The following CASKIN1 variants were observed in gnomAD, a reference collection of about 807,000 sequenced individuals.
The protein encoded by CASKIN1 is caskin-1.
A neutral mutation model predicts 117.5 loss-of-function variants in CASKIN1; 42 were observed. That is an observed-to-expected ratio of 0.36 (90% CI 0.28 to 0.46). The LOEUF (loss-of-function observed/expected upper bound fraction) is 0.46, where lower values mean the gene tolerates loss of function less well. Ranked by LOEUF, CASKIN1 falls within the 20% of genes least tolerant of loss-of-function variation. The pLI is 1.00. For synonymous variants in CASKIN1, 1,148 were observed against 961.7 expected, an observed-to-expected ratio of 1.19 and a Z score of -3.59; for missense variants, 2,083 against 2,077.3, an observed-to-expected ratio of 1.00 and a Z score of -0.05.
chr16:2,188,353 A>ATT (rs780638184), intron 6 of CASKIN1, among the ~76,000 whole-genome samples: 8 of 129,612 alleles, frequency 6.2e-5, no homozygotes, highest in African/African-American at 8.7e-5. Context: ...CAACCAGCCG[A>ATT]TTTTTTTTTT....
At position 2,179,174 on chromosome 16, in the gene CASKIN1, G is replaced by C; in HGVS notation, c.3927C>G (p.Ala1309=). The C allele has an allele frequency of 8.1e-6, 9 of 1,110,328 alleles. No individual in the cohort carries two copies. Among genetic ancestry groups the C allele is most frequent in the Non-Finnish European group, 9.9e-6 (9 of 910,060 alleles). 68.8% of individuals were successfully genotyped at this position (1,110,328 alleles called of 1,614,324 possible). The change falls in exon 19 of 20, where the codon GCC becomes GCG. Residue 1309 remains alanine (A), a synonymous_variant. Coordinates refer to ENST00000343516, the MANE Select transcript of CASKIN1 (RefSeq NM_020764.4). The surrounding 1 kb of genome is among the most constrained non-coding windows in gnomAD (Gnocchi z 5.8). ...GCGTACCGGGCGGCTTGGCGAGGGCGGCGGGCGGCTGTCGCGCGGGCGAGG... is the reference window on the plus strand; with the variant it reads ...GCGTACCGGGCGGCTTGGCGAGGGCCGCGGGCGGCTGTCGCGCGGGCGAGG... ...PAPSPARQPP[A]ALAKPPGTPP...
rs977894086 is a variant in CASKIN1, at chr16:2,182,846, A to C, written c.1629+800T>G. Among the ~76,000 whole-genome samples the C allele has an allele frequency of 3.3e-5, 5 of 152,234 alleles. No individual in the cohort carries two copies. Among genetic ancestry groups the C allele is most frequent in the African/African-American group, 1.2e-4 (5 of 41,464 alleles). On this transcript the variant is annotated intron_variant, in intron 16 of 19. Coordinates refer to ENST00000343516, the MANE Select transcript of CASKIN1 (RefSeq NM_020764.4). This position sits in a 1 kb window ranked among gnomAD's most constrained non-coding sequence, Gnocchi z 4.1. ...CGCTCTGTCGCCCAGGCTGGAGTGC[A>C]GTGGCGCAATCTCGGCTCACTGCAA...
intron 1 of CASKIN1, among the ~76,000 whole-genome samples, chr16:2,193,021 C>CA (rs2093205450): frequency 6.6e-6 from 1 of 151,656 alleles, no homozygotes; most frequent in Non-Finnish European, 1.5e-5. Context: ...AATTCTTTTT[C>CA]TTTTTTTTTA....
At chr16:2,190,027 G>T in intron 3 of CASKIN1, 46 bp downstream of exon 3, 1 of 1,246,146 alleles carries the variant, frequency 8.0e-7, no homozygotes, top group Non-Finnish European at 1.2e-6. Context: ...AGCCCCCCTC[G>T]CTGCCCCCGC....
rs754821296 is a variant in CASKIN1 at position 2,178,650 on chromosome 16, C to A, written c.4200-4G>T. The stretch of plus-strand genomic sequence containing the variant: ...GCTCTTTTCCGCCGCCGAGTCGCTG[C>A]GGGGCGCGGGGCAAGGGGCGTGAGT... On this transcript the variant is annotated splice_region_variant and splice_polypyrimidine_tract_variant and intron_variant, in intron 19 of 19. Transcript: ENST00000343516. 5.7e-6 allele frequency: 9 copies of A among 1,580,498 alleles called. No individual in the cohort carries two copies. The South Asian group carries it at 7.9e-5, about 14-fold the overall frequency.
intron 1 of CASKIN1, 52 bp from the exon 2 acceptor site, chr16:2,190,410 C>T (rs553061743): frequency 4.4e-5 from 67 of 1,525,498 alleles, no homozygotes; most frequent in Admixed American, 9.8e-5. Flanking sequence ...CCCCTCCAGG[C>T]GGCCTGAGGG....
At chr16:2,194,819 C>A (rs554973880) in intron 1 of CASKIN1, among the ~76,000 whole-genome samples, 59 of 152,268 alleles carry the variant, frequency 3.9e-4, no homozygotes, top group African/African-American at 1.3e-3. Context: ...GGAGGAACCT[C>A]CCCAGAGCTG....
chr16:2,188,733 G>A (rs545670820), intron 6 of CASKIN1, among the ~76,000 whole-genome samples: 1 of 152,318 alleles, frequency 6.6e-6, no homozygotes, highest in South Asian at 2.1e-4. Context: ...TGTAGGCGCT[G>A]CTGTGAACCC....
chr16:2,187,560 G>T, intron 6 of CASKIN1, 99 bp from the exon 7 acceptor site: 1 of 929,506 alleles, frequency 1.1e-6, no homozygotes, highest in South Asian at 1.4e-5. Flanking sequence ...CCAGCAGTCA[G>T]CTTGGGGGCT....
In CASKIN1 at chr16:2,181,174, C is replaced by A. The variant is rs2093166715; in HGVS notation, c.2194G>T (p.Gly732Cys). Residue 732 changes from glycine (G) to cysteine (C), a missense_variant, in exon 18 of 20, where the codon GGC (glycine) becomes TGC (cysteine). Transcript: ENST00000343516. ...CTGGGCGGGGTGCCGGGGGCGGGGC[C>A]CTCATCCAGGAGGTACTCCTGGCTT... ...SRSQEYLLDE[G>C]PAPGTPPREA... The A allele has an allele frequency of 6.6e-7, 1 of 1,522,270 alleles. No homozygotes were observed. Among genetic ancestry groups the A allele is most frequent in the Non-Finnish European group, 8.7e-7 (1 of 1,146,436 alleles). The allele number at this position is 1,522,270 out of a possible 1,614,324, so 94.3% of individuals were successfully genotyped here.
In CASKIN1 at chr16:2,181,479, GCCATCA is replaced by G; in HGVS notation, c.1883_1888del (p.Val628_Met629del). 1 of 1,611,610 alleles carries G rather than the reference GCCATCA, an allele frequency of 6.2e-7. No individual in the cohort carries two copies. Among genetic ancestry groups the G allele is most frequent in the Non-Finnish European group, 8.5e-7 (1 of 1,179,762 alleles). On this transcript the variant is annotated inframe_deletion, in exon 18 of 20. Transcript: ENST00000343516. ...CTCAGGCGGGGGCGGCGACTCGATG[GCCATCA>G]CTTCAAGAGACTGGGGCGCCTTCCG...
In CASKIN1 at chr16:2,189,518, G is replaced by A; in HGVS notation, c.291C>T (p.Pro97=). ...HYAAWQGRKE[P]MKLVLKAGSA... is the part of the protein sequence containing the mutation. Reference sequence around the variant, plus strand: ...AGCCCGCCTTCAGCACCAGCTTCATGGGCTCCTTCCGGCCCTGCCAGGCCG... The same window carrying A: ...AGCCCGCCTTCAGCACCAGCTTCATAGGCTCCTTCCGGCCCTGCCAGGCCG... The change falls in exon 4 of 20, where the codon CCC becomes CCT. Residue 97 remains proline (P), a synonymous_variant. Coordinates refer to ENST00000343516, the MANE Select transcript of CASKIN1 (RefSeq NM_020764.4). The A allele has an allele frequency of 6.2e-7, 1 of 1,611,916 alleles. No individual in the cohort carries two copies.
In CASKIN1 at chr16:2,179,333, G is replaced by T; in HGVS notation, c.3776-8C>A. 2.3e-6 allele frequency: 3 copies of T among 1,288,356 alleles called. No homozygotes were observed. Among genetic ancestry groups the T allele is most frequent in the Non-Finnish European group, 2.9e-6 (3 of 1,022,420 alleles). The allele number at this position is 1,288,356 out of a possible 1,614,324, so 79.8% of individuals were successfully genotyped here. On this transcript the variant is annotated splice_polypyrimidine_tract_variant and splice_region_variant and intron_variant, in intron 18 of 19. Coordinates refer to ENST00000343516, the MANE Select transcript of CASKIN1 (RefSeq NM_020764.4). This position sits in a 1 kb window ranked among gnomAD's most constrained non-coding sequence, Gnocchi z 5.8. ...CGTGGGCGCGCTTCACCTCTGCGGGGAGGACCACGCTGGCACCGAGCGGGC... is the reference window on the plus strand; with the variant it reads ...CGTGGGCGCGCTTCACCTCTGCGGGTAGGACCACGCTGGCACCGAGCGGGC...
chr16:2,178,732 C>T lies in CASKIN1; in HGVS notation c.4200-86G>A, dbSNP rs2093154168. 6 of 1,367,508 alleles carry T rather than the reference C, an allele frequency of 4.4e-6. No homozygotes were observed. In the Admixed American group the frequency reaches 1.1e-4, roughly 25 times the overall value. 84.7% of individuals were successfully genotyped at this position (1,367,508 alleles called of 1,614,324 possible). The stretch of plus-strand genomic sequence containing the variant: ...ACCAGGACACGCCCACGTCCCGCAT[C>T]TCCGTCGGCTTCCGCCTACCGCACG... On this transcript the variant is annotated intron_variant, in intron 19 of 19. Coordinates refer to ENST00000343516, the MANE Select transcript of CASKIN1 (RefSeq NM_020764.4).
chr16:2,187,906 C>T (rs375498039), intron 6 of CASKIN1, among the ~76,000 whole-genome samples: 16 of 151,122 alleles, frequency 1.1e-4, no homozygotes, highest in Admixed American at 2.6e-4. Flanking sequence ...TTTTCTAAGA[C>T]GGGGTCTCAC....
Position 2,184,851 on chromosome 16 carries a change from G to T in CASKIN1, c.1342C>A (p.Pro448Thr). 1 of 1,564,382 alleles carries T rather than the reference G, an allele frequency of 6.4e-7. No homozygotes were observed. Among genetic ancestry groups the T allele is most frequent in the South Asian group, 1.2e-5 (1 of 85,538 alleles). Residue 448 changes from proline (P) to threonine (T), a missense_variant, in exon 14 of 20, where the codon CCT becomes ACT. Around this residue, in one of 3 missense-constraint regions of CASKIN1, gnomAD observed 1,818 missense variants for 1,688.9 expected, o/e 1.08. Coordinates refer to ENST00000343516, the MANE Select transcript of CASKIN1 (RefSeq NM_020764.4). ...ACCTGCCCGGCGTGGGCCACTGGAGGCTGGGACCGGGCCACACCTGAGGAC... is the reference window on the plus strand; with the variant it reads ...ACCTGCCCGGCGTGGGCCACTGGAGTCTGGGACCGGGCCACACCTGAGGAC... The part of the protein sequence containing the change: ...EGSAGVARSQ[P>T]PVAHAGQVYG...
Position 2,178,205 on chromosome 16 carries a change from C to A in CASKIN1, c.*345G>T. The stretch of plus-strand genomic sequence containing the variant: ...CCTTGTGCTGCGCCCGAGCGGCTGG[C>A]CGGGCGTCCCGATGGGCAGTTCTGT... On this transcript the variant is annotated 3_prime_UTR_variant, in exon 20 of 20. Transcript: ENST00000343516. 2.3e-6 allele frequency: 1 copy of A among 435,130 alleles called. No individual in the cohort carries two copies. The highest frequency in any genetic ancestry group is 5.3e-5 in the East Asian group (1 of 18,866). The allele number at this position is 435,130 out of a possible 1,614,324, so 27.0% of individuals were successfully genotyped here.
chr16:2,193,614 G>A (rs1266956646), intron 1 of CASKIN1, among the ~76,000 whole-genome samples: 1 of 152,204 alleles, frequency 6.6e-6, no homozygotes, highest in Non-Finnish European at 1.5e-5. Context: ...TTCTCACCCA[G>A]CCACACCTTC....
chr16:2,192,911 C>T (rs2093205077), intron 1 of CASKIN1, among the ~76,000 whole-genome samples: 2 of 152,258 alleles, frequency 1.3e-5, no homozygotes, highest in African/African-American at 4.8e-5. Context: ...CCTCATCCCC[C>T]ACACTCTGCC....
Sources: gnomAD v4.1 joint callset for allele counts (sites outside exome capture counted in the v4.1 genomes callset) on GRCh38, gnomAD v4.1.1 for gene constraint, gnomAD v4.1.1 regional missense constraint, Gnocchi (gnomAD v3.1) non-coding constraint, MANE v1.5 for transcripts, NCBI Gene and HGNC (gene_info 2026-07-23, HGNC 2026-07-21) for gene names.